Variants in IQGAP2 observed in about 807,000 individuals in gnomAD.
IQGAP2 encodes the protein ras GTPase-activating-like protein IQGAP2.
In IQGAP2, 173 loss-of-function variants were observed where a neutral mutation model predicts 201.3. The observed-to-expected ratio is 0.86, with a 90% CI of 0.76 to 0.98. The LOEUF is 0.98. Ranked by LOEUF, IQGAP2 falls within the 50% of genes least tolerant of loss-of-function variation. The probability of loss-of-function intolerance (pLI) is 0.00; values close to 1 mark genes in which losing one functional copy is unlikely to be tolerated. For synonymous variants in IQGAP2, 675 were observed against 673.9 expected (o/e 1.00, Z -0.03); for missense variants, 1,687 against 1,864.8 (o/e 0.90, Z 1.76).
intron 21 of IQGAP2, among the ~76,000 whole-genome samples, chr5:76,664,245 A>G (rs973575265): frequency 1.6e-4 from 25 of 152,312 alleles, no homozygotes; most frequent in Middle Eastern, 3.4e-3. Context: ...CCTAATTTCA[A>G]TATCATTGTG....
At chr5:76,705,290 A>G (rs1747774369) in intron 35 of IQGAP2, among the ~76,000 whole-genome samples, 1 of 152,212 alleles carries the variant, frequency 6.6e-6, no homozygotes, top group Admixed American at 6.5e-5. Context: ...CATATACCTT[A>G]ATCTCATATC....
intron 4 of IQGAP2, among the ~76,000 whole-genome samples, chr5:76,572,424 A>G (rs999424320): frequency 1.3e-5 from 2 of 151,844 alleles, no homozygotes; most frequent in African/African-American, 4.8e-5. Context: ...TCAGCCTCCC[A>G]AAGTTCTGGG....
chr5:76,541,534 T>G (rs1252857938), intron 2 of IQGAP2, among the ~76,000 whole-genome samples: 1 of 152,212 alleles, frequency 6.6e-6, no homozygotes, highest in Non-Finnish European at 1.5e-5. Flanking sequence ...TCTAATTCTT[T>G]GGGGATATTA....
intron 21 of IQGAP2, among the ~76,000 whole-genome samples, chr5:76,661,820 G>A (rs1017706406): frequency 3.3e-5 from 5 of 152,050 alleles, no homozygotes; most frequent in Admixed American, 6.6e-5. Flanking sequence ...CCAAGCCCAA[G>A]CCCTTCATAC....
At chr5:76,455,370 T>C (rs967852087) in intron 1 of IQGAP2, among the ~76,000 whole-genome samples, 2 of 150,382 alleles carry the variant, frequency 1.3e-5, no homozygotes, top group Admixed American at 6.6e-5. Flanking sequence ...TGAGAATCGC[T>C]TGAACCCAGG....
intron 2 of IQGAP2, among the ~76,000 whole-genome samples, chr5:76,557,831 GA>G (rs1387064823): frequency 6.6e-6 from 1 of 152,054 alleles, no homozygotes; most frequent in Non-Finnish European, 1.5e-5. Context: ...TTTTGAGACA[GA>G]GTCTCACTCT....
At chr5:76,446,486 GA>G (rs1325620427) in intron 1 of IQGAP2, among the ~76,000 whole-genome samples, 1 of 152,094 alleles carries the variant, frequency 6.6e-6, no homozygotes, top group African/African-American at 2.4e-5. Flanking sequence ...GACGAAGGAA[GA>G]TTTGGGAAAT....
At chr5:76,438,928 T>C (rs1262843990) in intron 1 of IQGAP2, among the ~76,000 whole-genome samples, 1 of 148,442 alleles carries the variant, frequency 6.7e-6, no homozygotes, top group African/African-American at 2.6e-5. Context: ...TATTATTTTC[T>C]AGTTTTAGCT....
chr5:76,484,173 C>A (rs1438260648), intron 2 of IQGAP2, among the ~76,000 whole-genome samples: 1 of 151,878 alleles, frequency 6.6e-6, no homozygotes, highest in Non-Finnish European at 1.5e-5. Flanking sequence ...TAAATTTAAG[C>A]TAAGCCCCAT....
intron 1 of IQGAP2, among the ~76,000 whole-genome samples, chr5:76,428,211 G>A (rs1373510317): frequency 1.3e-5 from 2 of 152,064 alleles, no homozygotes; most frequent in African/African-American, 4.8e-5. Flanking sequence ...GCTCTGCGGG[G>A]TGATGGGCAG....
intron 17 of IQGAP2, among the ~76,000 whole-genome samples, chr5:76,651,143 A>C (rs1470437875): frequency 6.6e-6 from 1 of 152,154 alleles, no homozygotes; most frequent in Non-Finnish European, 1.5e-5. Flanking sequence ...AATTACTCTG[A>C]CTACCTCAAG....
At chr5:76,440,394 TTTTTAAAAGTAAAA>T (rs1211445882) in intron 1 of IQGAP2, among the ~76,000 whole-genome samples, 1 of 152,112 alleles carries the variant, frequency 6.6e-6, no homozygotes, top group African/African-American at 2.4e-5. Context: ...TAATTATATA[TTTTTAAAAGTAAAA>T]TTTTAAAAAT....
chr5:76,655,293 G>A (rs455933), intron 20 of IQGAP2, among the ~76,000 whole-genome samples: 94,285 of 151,288 alleles, frequency 0.62, 29,590 homozygotes, highest in South Asian at 0.82. Flanking sequence ...CAATCTAAGC[G>A]AGAGTCAAAA....
At chr5:76,704,413 G>A (rs1270414966) in intron 35 of IQGAP2, among the ~76,000 whole-genome samples, 3 of 152,100 alleles carry the variant, frequency 2.0e-5, no homozygotes, top group African/African-American at 7.2e-5. Flanking sequence ...TTTGAGTACT[G>A]GTATAAAAAC....
intron 17 of IQGAP2, among the ~76,000 whole-genome samples, chr5:76,652,099 A>G (rs149236008): frequency 3.7e-4 from 56 of 152,366 alleles, no homozygotes; most frequent in South Asian, 1.9e-3. Flanking sequence ...TTATGAATTT[A>G]CTTCTTCTAA....
At chr5:76,568,792 A>G (rs1208821837) in intron 3 of IQGAP2, among the ~76,000 whole-genome samples, 1 of 152,130 alleles carries the variant, frequency 6.6e-6, no homozygotes, top group Non-Finnish European at 1.5e-5. Context: ...TTTATCTAAG[A>G]GGTGGGAAGA....
In IQGAP2 at chr5:76,627,444, A is replaced by G. The variant is rs1024370501; in HGVS notation, c.1556A>G (p.Asp519Gly). The G allele has an allele frequency of 6.2e-7, 1 of 1,604,090 alleles. No individual in the cohort carries two copies. The highest frequency in any genetic ancestry group is 8.5e-7 in the Non-Finnish European group (1 of 1,170,968). The change falls in exon 14 of 36, where the codon GAT becomes GGT. Residue 519 changes from aspartate to glycine, a missense_variant. By Grantham distance (94) the Asp-to-Gly change is moderately conservative (BLOSUM62 -1). Coordinates refer to ENST00000274364, the MANE Select transcript of IQGAP2 (RefSeq NM_006633.5). Reference sequence around the variant, plus strand: ...AGTGTTTCCAAAGTGCTTTGGCTGGATGAGATACAGCAAGCCGTCGATGAT... The same window carrying G: ...AGTGTTTCCAAAGTGCTTTGGCTGGGTGAGATACAGCAAGCCGTCGATGAT... Reference protein sequence around the residue: ...SESVSKVLWLDEIQQAVDDAN... With the variant: ...SESVSKVLWLGEIQQAVDDAN...
At position 76,496,769 on chromosome 5, in the gene IQGAP2, C is replaced by G. The variant is rs879888217; in HGVS notation, c.146+35100C>G. Among the ~76,000 whole-genome samples, 104 of 72,918 alleles carry G rather than the reference C, an allele frequency of 1.4e-3. 4 individuals are homozygous for G. The highest frequency in any genetic ancestry group is 6.2e-3 in the African/African-American group (100 of 16,194). 47.8% of individuals were successfully genotyped at this position (72,918 alleles called of 152,430 possible). A position where few individuals can be genotyped will look rare whatever the true frequency, so the allele number is the denominator to read the frequency against. On this transcript the variant is annotated intron_variant, in intron 2 of 35. Coordinates refer to ENST00000274364, the MANE Select transcript of IQGAP2 (RefSeq NM_006633.5). Reference sequence around the variant, plus strand: ...TCTTTCTTTCTTTCTTTCTTTCTTTCTTTCTTTCTTTCTTTCTTTCTTTCT... The same window carrying G: ...TCTTTCTTTCTTTCTTTCTTTCTTTGTTTCTTTCTTTCTTTCTTTCTTTCT...
At chr5:76,605,856 A>G (rs1770122047) in intron 11 of IQGAP2, among the ~76,000 whole-genome samples, 2 of 152,242 alleles carry the variant, frequency 1.3e-5, no homozygotes, top group South Asian at 4.1e-4. Flanking sequence ...ACCAAGACAT[A>G]CAAAGGGGAG....
Sources: allele counts gnomAD v4.1 joint callset (sites outside exome capture counted in the v4.1 genomes callset), GRCh38; gene constraint gnomAD v4.1.1; transcripts MANE v1.5; gene names NCBI Gene and HGNC (gene_info 2026-07-23, HGNC 2026-07-21).